The following ART1 variants were observed in gnomAD, a reference collection of about 807,000 sequenced individuals.
ART1 encodes ADP-ribosyltransferase 1, also known as GPI-linked NAD(P)(+)--arginine ADP-ribosyltransferase 1.
ART1 carries 29 observed loss-of-function variants against 27.0 expected under a neutral mutation model. The observed-to-expected ratio is 1.08, with a 90% confidence interval of 0.80 to 1.47. ART1 has a LOEUF of 1.47. Among genes scored for constraint, ART1 ranks in the 40% most tolerant of loss-of-function variants. The pLI is 0.00. For missense variants in ART1, 480 were observed against 423.0 expected (o/e 1.13, Z -1.18); for synonymous variants, 201 against 172.2 (o/e 1.17, Z -1.31).
chr11:3,653,798 T>A (rs2077549064), intron 1 of ART1, among the ~76,000 whole-genome samples: 1 of 148,692 alleles, frequency 6.7e-6, no homozygotes, highest in Non-Finnish European at 1.5e-5. Context: ...TACCTCTGTC[T>A]ATCCTCACTG....
intron 1 of ART1, among the ~76,000 whole-genome samples, chr11:3,648,118 GC>G (rs1312458352): frequency 6.6e-6 from 1 of 151,890 alleles, no homozygotes; most frequent in Non-Finnish European, 1.5e-5. Flanking sequence ...CCCCCACTCT[GC>G]CTGCCAGAGA....
In ART1 at chr11:3,659,417, G is replaced by C. The variant is rs1413701464; in HGVS notation, c.63+141G>C. The C allele has an allele frequency of 7.2e-6, 10 of 1,396,164 alleles. No individual in the cohort carries two copies. The Admixed American group carries it at 2.0e-4, about 28-fold the overall frequency. The allele number at this position is 1,396,164 out of a possible 1,614,324, so 86.5% of individuals were successfully genotyped here. On this transcript the variant is annotated intron_variant, in intron 2 of 4. Transcript: ENST00000250693. Reference sequence around the variant, plus strand: ...CACTCAGCCCAAGGGGACAGCTCCAGATGCTAGTCTTGGGGAAATTACAGC... The same window carrying C: ...CACTCAGCCCAAGGGGACAGCTCCACATGCTAGTCTTGGGGAAATTACAGC...
chr11:3,649,962 A>G (rs1311515250), intron 1 of ART1, among the ~76,000 whole-genome samples: 1 of 152,190 alleles, frequency 6.6e-6, no homozygotes, highest in Non-Finnish European at 1.5e-5. Flanking sequence ...TGCTCCTGAC[A>G]TTAAATAAAA....
intron 1 of ART1, among the ~76,000 whole-genome samples, chr11:3,655,107 G>A (rs1328101022): frequency 6.6e-6 from 1 of 152,200 alleles, no homozygotes; most frequent in African/African-American, 2.4e-5. Context: ...GCTCTGCTCA[G>A]GCCGCCGGTC....
rs2077597570 is a variant in ART1, at chr11:3,659,189, C to T, written c.-25C>T. 1 of 1,613,106 alleles carries T rather than the reference C, an allele frequency of 6.2e-7. No homozygotes were observed. Among genetic ancestry groups the T allele is most frequent in the Admixed American group, 1.7e-5 (1 of 59,938 alleles). On this transcript the variant is annotated 5_prime_UTR_variant, in exon 2 of 5. The change creates a premature stop within an existing upstream ORF in the 5' untranslated region. Coordinates refer to ENST00000250693, the MANE Select transcript of ART1 (RefSeq NM_004314.3). ...GAGGAAACTGAGACCCAAAAAGAGACAGCAACTGGCCCAGGGTCACCAGCA... is the reference window on the plus strand; with the variant it reads ...GAGGAAACTGAGACCCAAAAAGAGATAGCAACTGGCCCAGGGTCACCAGCA...
In ART1 at chr11:3,660,237, G is replaced by T. The variant is rs770182602; in HGVS notation, c.718G>T (p.Glu240Ter). 6.2e-7 allele frequency: 1 copy of T among 1,613,910 alleles called. No individual in the cohort carries two copies. The highest frequency in any genetic ancestry group is 2.2e-5 in the East Asian group (1 of 44,890). ...KGYSFFPGEEEVLIPPFETFQ... is the reference protein window; with the variant it reads ...KGYSFFPGEE ...CTACTCCTTCTTCCCTGGAGAGGAA[G>T]AGGTGCTGATCCCCCCCTTTGAGAC... is the stretch of plus-strand genomic sequence containing the variant. Residue 240 changes from glutamate (E) to a stop codon, truncating the protein, a stop_gained, in exon 3 of 5, where the codon GAG becomes TAG. Transcript: ENST00000250693. LOFTEE classifies it high-confidence loss of function.
intron 1 of ART1, among the ~76,000 whole-genome samples, chr11:3,646,947 C>A (rs192940095): frequency 1.3e-5 from 2 of 152,170 alleles, no homozygotes; most frequent in Admixed American, 1.3e-4. Context: ...GCACTGTGCA[C>A]TTAAACATGT....
intron 4 of ART1, among the ~76,000 whole-genome samples, chr11:3,662,777 G>A (rs563312887): frequency 5.9e-5 from 9 of 152,338 alleles, no homozygotes; most frequent in Middle Eastern, 3.4e-3. Context: ...CTGGGAGGCG[G>A]AGGTTGCTGT....
In ART1 at chr11:3,653,369, C is replaced by T. The variant is rs970280405; in HGVS notation, c.-52-5793C>T. 2.7e-5 allele frequency among the ~76,000 whole-genome samples: 4 copies of T among 148,542 alleles called. No homozygotes were observed. In the East Asian group the frequency reaches 7.8e-4, roughly 29 times the overall value. On this transcript the variant is annotated intron_variant, in intron 1 of 4. Transcript: ENST00000250693. Reference sequence around the variant, plus strand: ...GGCCGGTTCCTGCCTTAACTGATGACATTGTCTTGTGAAATTCCTTCTCCT... The same window carrying T: ...GGCCGGTTCCTGCCTTAACTGATGATATTGTCTTGTGAAATTCCTTCTCCT...
chr11:3,656,322 C>T (rs1057288038), intron 1 of ART1, among the ~76,000 whole-genome samples: 2 of 152,032 alleles, frequency 1.3e-5, no homozygotes, highest in African/African-American at 2.4e-5. Context: ...GTTGTTGGGA[C>T]TACAGATATG....
chr11:3,661,554 G>A (rs913304660), intron 4 of ART1, 141 bp downstream of exon 4: 9 of 610,202 alleles, frequency 1.5e-5, no homozygotes, highest in African/African-American at 1.2e-4. Flanking sequence ...GAGTGCAATG[G>A]CACAATCTCG....
At position 3,662,712 on chromosome 11, in the gene ART1, C is replaced by T. The variant is rs529843038; in HGVS notation, c.886+1299C>T. Among the ~76,000 whole-genome samples, 20 of 152,246 alleles carry T rather than the reference C, an allele frequency of 1.3e-4. No individual in the cohort carries two copies. In the East Asian group the frequency reaches 1.7e-3, roughly 13 times the overall value. On this transcript the variant is annotated intron_variant, in intron 4 of 4. Coordinates refer to ENST00000250693, the MANE Select transcript of ART1 (RefSeq NM_004314.3). Reference sequence around the variant, plus strand: ...ATACAAAATTAGCCGGGCGTGGTGGCGCATGCCTGTAATCCCAGCTACTCG... The same window carrying T: ...ATACAAAATTAGCCGGGCGTGGTGGTGCATGCCTGTAATCCCAGCTACTCG...
intron 1 of ART1, among the ~76,000 whole-genome samples, chr11:3,652,706 C>T (rs563738687): frequency 1.1e-4 from 16 of 151,792 alleles, no homozygotes; most frequent in Non-Finnish European, 2.2e-4. Context: ...CTCCTATTCA[C>T]CATTCTCAAC....
chr11:3,662,176 G>C (rs1014889162), intron 4 of ART1, among the ~76,000 whole-genome samples: 1 of 152,260 alleles, frequency 6.6e-6, no homozygotes, highest in Non-Finnish European at 1.5e-5. Context: ...CTGGGCTCTA[G>C]TCCAGGCTCT....
At position 3,660,303 on chromosome 11, in the gene ART1, G is replaced by C; in HGVS notation, c.784G>C (p.Ala262Pro). 2 of 1,608,626 alleles carry C rather than the reference G, an allele frequency of 1.2e-6. No individual in the cohort carries two copies. The highest frequency in any genetic ancestry group is 8.5e-7 in the Non-Finnish European group (1 of 1,179,950). The change falls in exon 3 of 5, where the codon GCC becomes CCC. Residue 262 changes from alanine to proline, a missense_variant. Ala to Pro is a conservative substitution (Grantham distance 27). Transcript: ENST00000250693. ...TGCCAGCAGACTGGCCCAGGGCCCC[G>C]CCCGCATCTACCTCCGAGCCCTGGG... ...INASRLAQGP[A>P]RIYLRALGKH... is the part of the protein sequence containing the mutation.
intron 4 of ART1, among the ~76,000 whole-genome samples, chr11:3,663,089 A>ATCTCATC (rs751116037): frequency 9.2e-5 from 8 of 87,102 alleles, no homozygotes; most frequent in South Asian, 5.0e-4. Flanking sequence ...ATCTCATCTC[A>ATCTCATC]TCATCTCATC....
chr11:3,649,318 GC>G (rs2077497731), intron 1 of ART1, among the ~76,000 whole-genome samples: 1 of 152,276 alleles, frequency 6.6e-6, no homozygotes, highest in South Asian at 2.1e-4. Context: ...GTTCCAAATA[GC>G]CAGAAAACGG....
chr11:3,656,224 G>A (rs1017082103), intron 1 of ART1, among the ~76,000 whole-genome samples: 8 of 151,722 alleles, frequency 5.3e-5, no homozygotes, highest in African/African-American at 1.5e-4. Context: ...GTGAGCCACC[G>A]CGCCCGGCCC....
chr11:3,650,270 C>T (rs2077509361), intron 1 of ART1, among the ~76,000 whole-genome samples: 1 of 152,184 alleles, frequency 6.6e-6, no homozygotes, highest in Non-Finnish European at 1.5e-5. Flanking sequence ...TCCTCCTAAG[C>T]CGTATCCCAT....
Sources: allele counts gnomAD v4.1 joint callset (sites outside exome capture counted in the v4.1 genomes callset), GRCh38; gene constraint gnomAD v4.1.1; transcripts MANE v1.5; gene names NCBI Gene and HGNC (gene_info 2026-07-23, HGNC 2026-07-21).